The following MRE11 variants were observed in gnomAD, a reference collection of about 807,000 sequenced individuals.
The protein encoded by MRE11 is MRE11 double strand break repair nuclease, also known as double-strand break repair protein MRE11.
A neutral mutation model predicts 91.7 loss-of-function variants in MRE11; 62 were observed. The observed-to-expected ratio is 0.68, with a 90% CI of 0.55 to 0.84. MRE11 has a LOEUF of 0.84. MRE11 is among the 40% of genes least tolerant of loss of function. The pLI is 0.00. For synonymous variants in MRE11, 273 were observed against 271.4 expected, an observed-to-expected ratio of 1.01 and a Z score of -0.06; for missense variants, 796 against 852.9, an observed-to-expected ratio of 0.93 and a Z score of 0.83.
intron 3 of MRE11, among the ~76,000 whole-genome samples, chr11:94,486,669 T>C (rs767640121): frequency 6.6e-6 from 1 of 152,202 alleles, no homozygotes; most frequent in African/African-American, 2.4e-5. Flanking sequence ...TGGGGTGCAC[T>C]AGAATGGACA....
At chr11:94,509,126 T>A in the MRE11 span, among the ~76,000 whole-genome samples, 1 of 152,334 alleles carries the variant, frequency 6.6e-6, no homozygotes, top group East Asian at 1.9e-4. Flanking sequence ...TAGATCTAGT[T>A]GAGGAAAATT....
At chr11:94,446,105 C>T (rs1945922748) in intron 15 of MRE11, among the ~76,000 whole-genome samples, 2 of 152,162 alleles carry the variant, frequency 1.3e-5, no homozygotes, top group Admixed American at 1.3e-4. Context: ...TTAATTTATC[C>T]AATTAAAATG....
At chr11:94,484,814 G>A (rs978404496) in intron 4 of MRE11, among the ~76,000 whole-genome samples, 1 of 152,202 alleles carries the variant, frequency 6.6e-6, no homozygotes, top group Admixed American at 6.5e-5. Context: ...CTCTTTATAA[G>A]TATCAGGGTC....
chr11:94,479,026 A>T (rs1437303360), intron 5 of MRE11, 150 bp from the exon 6 acceptor site: 1 of 845,764 alleles, frequency 1.2e-6, no homozygotes, highest in South Asian at 1.6e-5. Flanking sequence ...TTACAATAGT[A>T]AAAGTATTTG....
the MRE11 span, among the ~76,000 whole-genome samples, chr11:94,505,467 T>C: frequency 1.3e-5 from 2 of 152,106 alleles, no homozygotes; most frequent in African/African-American, 4.8e-5. Context: ...ATAATGCATA[T>C]TGAAAATACA....
rs1591692450 is a variant in MRE11, at chr11:94,470,501, G to C, written c.987C>G (p.Thr329=). The change falls in exon 9 of 20, where the codon ACC becomes ACG. Residue 329 remains threonine, a synonymous_variant. Transcript: ENST00000323929. ...CCAAACAGAAGCTTTGTATGGCTTG[G>C]GTTACTTTAGGATTATCTGGGTTAA... ...DIFNPDNPKV[T]QAIQSFCLEK... is the part of the protein sequence containing the mutation. 1 of 1,612,952 alleles carries C rather than the reference G, an allele frequency of 6.2e-7. No individual in the cohort carries two copies. Among genetic ancestry groups the C allele is most frequent in the Non-Finnish European group, 8.5e-7 (1 of 1,179,236 alleles).
rs2134991074 is a variant in MRE11 at position 94,459,521 on chromosome 11, C to G, written c.1387G>C (p.Asp463His). ...GMGEAVQEFVDKEEKDAIEEL... is the reference protein window; with the variant it reads ...GMGEAVQEFVHKEEKDAIEEL... Reference sequence around the variant, plus strand: ...TCAATGGCATCTTTCTCCTCCTTGTCCACAAATTCTTGTACTGCTTCACCC... The same window carrying G: ...TCAATGGCATCTTTCTCCTCCTTGTGCACAAATTCTTGTACTGCTTCACCC... The change falls in exon 13 of 20, where the codon GAC becomes CAC. Residue 463 changes from aspartate to histidine, a missense_variant. Coordinates refer to ENST00000323929, the MANE Select transcript of MRE11 (RefSeq NM_005591.4). 2 of 1,614,066 alleles carry G rather than the reference C, an allele frequency of 1.2e-6. No individual in the cohort carries two copies. Among genetic ancestry groups the G allele is most frequent in the South Asian group, 2.2e-5 (2 of 91,082 alleles).
Position 94,478,739 on chromosome 11 carries a change from A to G in MRE11, c.540T>C (p.Gly180=). ...QKGSTKIALY[G]LGSIPDERLY... Reference sequence around the variant, plus strand: ...AGTAAAATAAAACTGTCTTACCTAAACCATATAGCGCAATCTTTGTGCTTC... The same window carrying G: ...AGTAAAATAAAACTGTCTTACCTAAGCCATATAGCGCAATCTTTGTGCTTC... The change falls in exon 6 of 20, where the codon GGT becomes GGC. Residue 180 remains glycine, a synonymous_variant. Coordinates refer to ENST00000323929, the MANE Select transcript of MRE11 (RefSeq NM_005591.4). 6.2e-7 allele frequency: 1 copy of G among 1,612,340 alleles called. No individual in the cohort carries two copies. The highest frequency in any genetic ancestry group is 8.5e-7 in the Non-Finnish European group (1 of 1,179,736).
chr11:94,492,385 C>T (rs1462131824), intron 2 of MRE11, among the ~76,000 whole-genome samples: 1 of 152,108 alleles, frequency 6.6e-6, no homozygotes, highest in Non-Finnish European at 1.5e-5. Flanking sequence ...TTTATTTATT[C>T]CCATTCCATT....
At chr11:94,480,831 A>G (rs1946993188) in intron 4 of MRE11, among the ~76,000 whole-genome samples, 1 of 152,190 alleles carries the variant, frequency 6.6e-6, no homozygotes, top group Non-Finnish European at 1.5e-5. Context: ...GCCAATGCCC[A>G]TGACATACTT....
At chr11:94,445,921 C>G in intron 15 of MRE11, 28 bp from the exon 16 acceptor site, 2 of 1,495,408 alleles carry the variant, frequency 1.3e-6, no homozygotes, top group Non-Finnish European at 1.9e-6. Context: ...AGTCAATGTA[C>G]AAGCCTATCA....
At chr11:94,497,580 T>G (rs1363116158), upstream of MRE11, 1 of 156,530 alleles carries the variant, frequency 6.4e-6, no homozygotes, top group Non-Finnish European at 1.4e-5. Context: ...TTTCTAAGGT[T>G]GTATTGAGAA....
chr11:94,440,999 C>A (rs371743617), intron 16 of MRE11, among the ~76,000 whole-genome samples: 3 of 152,102 alleles, frequency 2.0e-5, no homozygotes, highest in African/African-American at 7.2e-5. Context: ...AGAGAGTATT[C>A]GGCCACCTTT....
upstream of MRE11, chr11:94,498,799 G>T (rs1019416261): frequency 1.5e-5 from 6 of 406,078 alleles, no homozygotes; most frequent in African/African-American, 2.1e-5. Context: ...GACACGGGTT[G>T]TACAGAAACT....
the MRE11 span, among the ~76,000 whole-genome samples, chr11:94,501,959 T>A: frequency 4.9e-4 from 74 of 152,328 alleles, no homozygotes; most frequent in African/African-American, 1.6e-3. Flanking sequence ...TTTATCAATG[T>A]CCTCCAGTCA....
chr11:94,484,693 G>A (rs1947093867), intron 4 of MRE11, among the ~76,000 whole-genome samples: 1 of 152,158 alleles, frequency 6.6e-6, no homozygotes, highest in Admixed American at 6.5e-5. Context: ...TGATGCGACT[G>A]AAAGGGTACT....
chr11:94,430,134 T>C, intron 18 of MRE11, 148 bp from the exon 19 acceptor site: 1 of 845,014 alleles, frequency 1.2e-6, no homozygotes, highest in South Asian at 1.5e-5. Flanking sequence ...CAATAAAACT[T>C]AACTGTAAGG....
Position 94,447,456 on chromosome 11 carries a change from GAGAA to G in MRE11, c.1564-22_1564-19del, listed in dbSNP as rs1337680303. ...GTCATAGCCTAAGAGGGAGAAGAAGGAGAAAGTACACACAATGAGATAACGTACC... is the reference window on the plus strand; with the variant it reads ...GTCATAGCCTAAGAGGGAGAAGAAGGAGTACACACAATGAGATAACGTACC... On this transcript the variant is annotated intron_variant, in intron 14 of 19. Coordinates refer to ENST00000323929, the MANE Select transcript of MRE11 (RefSeq NM_005591.4). 1.2e-6 allele frequency: 2 copies of G among 1,609,010 alleles called. No homozygotes were observed. Among genetic ancestry groups the G allele is most frequent in the South Asian group, 2.2e-5 (2 of 90,956 alleles).
At chr11:94,479,867 A>G (rs886117627) in intron 4 of MRE11, 106 bp from the exon 5 acceptor site, 8 of 802,992 alleles carry the variant, frequency 1.0e-5, no homozygotes, top group Non-Finnish European at 1.5e-5. Context: ...TGCATAATCT[A>G]CATTGGCATA....
Sources: allele counts gnomAD v4.1 joint callset (sites outside exome capture counted in the v4.1 genomes callset), GRCh38; gene constraint gnomAD v4.1.1; transcripts MANE v1.5; gene names NCBI Gene and HGNC (gene_info 2026-07-23, HGNC 2026-07-21).